Variants in CFAP58 observed in about 807,000 individuals in gnomAD.
The protein encoded by CFAP58 is cilia- and flagella-associated protein 58.
CFAP58 carries 88 observed loss-of-function variants against 119.5 expected under a neutral mutation model. That is an observed-to-expected ratio of 0.74 (90% CI 0.62 to 0.88). The LOEUF is 0.88. Ranked by LOEUF, CFAP58 falls within the 40% of genes least tolerant of loss-of-function variation. The pLI, the probability that CFAP58 is intolerant of heterozygous loss-of-function variation, is 0.00. For synonymous variants in CFAP58, 365 were observed against 366.3 expected (o/e 1.00, Z 0.04); for missense variants, 990 against 1,021.2 (o/e 0.97, Z 0.42).
At chr10:104,359,470 T>C (rs1369406471) in intron 2 of CFAP58, among the ~76,000 whole-genome samples, 3 of 152,204 alleles carry the variant, frequency 2.0e-5, no homozygotes, top group Non-Finnish European at 4.4e-5. Flanking sequence ...CTTAAAGTCA[T>C]TTTATAATGG....
chr10:104,393,362 A>T lies in CFAP58; in HGVS notation c.1561A>T (p.Ile521Phe). Reference protein sequence around the residue: ...EITDMKRKLKIMIHQVDELKE... With the variant: ...EITDMKRKLKFMIHQVDELKE... ...AACAGATATGAAGAGAAAGTTAAAG[A>T]TTATGATCCATCAGGTAGATGAGCT... is the stretch of plus-strand genomic sequence containing the variant. The change falls in exon 11 of 18, where the codon ATT becomes TTT. Residue 521 changes from isoleucine (I) to phenylalanine (F), a missense_variant. By Grantham distance (21) the Ile-to-Phe change is conservative. Transcript: ENST00000369704. 2 of 1,614,020 alleles carry T rather than the reference A, an allele frequency of 1.2e-6. No homozygotes were observed. Among genetic ancestry groups the T allele is most frequent in the Non-Finnish European group, 1.7e-6 (2 of 1,179,896 alleles).
chr10:104,400,982 T>C (rs1319221776), intron 13 of CFAP58, 79 bp downstream of exon 13: 1 of 990,840 alleles, frequency 1.0e-6, no homozygotes, highest in Non-Finnish European at 1.5e-6. Context: ...GTCATGCTTG[T>C]TGCTCATTGA....
chr10:104,416,358 G>C (rs964692441), intron 15 of CFAP58, among the ~76,000 whole-genome samples: 5 of 152,114 alleles, frequency 3.3e-5, no homozygotes, highest in African/African-American at 1.2e-4. Flanking sequence ...CTAGGTAAGG[G>C]GCATATCCCT....
intron 1 of CFAP58, among the ~76,000 whole-genome samples, chr10:104,357,930 T>C (rs141631287): frequency 0.03 from 3,619 of 119,512 alleles, 271 homozygotes; most frequent in Non-Finnish European, 0.037. Flanking sequence ...TGTACACATA[T>C]ACACACATAT....
chr10:104,438,351 T>TTTTTTG (rs1564904782), intron 15 of CFAP58, among the ~76,000 whole-genome samples: 1 of 39,378 alleles, frequency 2.5e-5, no homozygotes, highest in African/African-American at 1.3e-4. Flanking sequence ...GTTTTTTGTT[T>TTTTTTG]TTTTTTTTTG....
chr10:104,440,043 C>T (rs976369166), intron 15 of CFAP58, among the ~76,000 whole-genome samples: 8 of 152,130 alleles, frequency 5.3e-5, no homozygotes, highest in Non-Finnish European at 5.9e-5. Flanking sequence ...AGGATGGCCT[C>T]GATCTCCTGA....
At chr10:104,392,205 C>G in intron 9 of CFAP58, 28 bp from the exon 10 acceptor site, 1 of 1,578,392 alleles carries the variant, frequency 6.3e-7, no homozygotes, top group African/African-American at 1.6e-5. Flanking sequence ...GCTATTTAAC[C>G]ACATTCATAT....
chr10:104,412,225 C>T (rs2012472046), intron 15 of CFAP58, among the ~76,000 whole-genome samples: 1 of 152,072 alleles, frequency 6.6e-6, no homozygotes, highest in Admixed American at 6.6e-5. Context: ...GTTTCTTCAT[C>T]CATAAGTTGG....
chr10:104,406,402 A>T (rs985387350), intron 14 of CFAP58, among the ~76,000 whole-genome samples: 3 of 152,236 alleles, frequency 2.0e-5, no homozygotes, highest in Non-Finnish European at 4.4e-5. Context: ...CAAGCATAGT[A>T]GCTACCATTA....
At chr10:104,371,770 T>TA (rs1306355988) in intron 7 of CFAP58, among the ~76,000 whole-genome samples, 3 of 152,138 alleles carry the variant, frequency 2.0e-5, no homozygotes, top group African/African-American at 7.2e-5. Flanking sequence ...GTTTTCTGAA[T>TA]AAAAAATATA....
chr10:104,431,058 T>A (rs1360591902), intron 15 of CFAP58, among the ~76,000 whole-genome samples: 1 of 152,214 alleles, frequency 6.6e-6, no homozygotes, highest in Non-Finnish European at 1.5e-5. Flanking sequence ...GGGTACCAGT[T>A]TGGCTACTAG....
the CFAP58 span, among the ~76,000 whole-genome samples, chr10:104,348,821 C>T: frequency 6.6e-6 from 1 of 152,212 alleles, no homozygotes; most frequent in Non-Finnish European, 1.5e-5. Flanking sequence ...TCATGGTTCA[C>T]TGGGCTTCCT....
intron 15 of CFAP58, 80 bp from the exon 16 acceptor site, chr10:104,447,618 G>A (rs557808473): frequency 6.4e-7 from 1 of 1,561,616 alleles, no homozygotes; most frequent in East Asian, 2.3e-5. Context: ...CTCCCAAATT[G>A]TGCTGGCCAT....
At chr10:104,435,189 A>G (rs2012912735) in intron 15 of CFAP58, among the ~76,000 whole-genome samples, 1 of 152,206 alleles carries the variant, frequency 6.6e-6, no homozygotes, top group Non-Finnish European at 1.5e-5. Flanking sequence ...GTTTAAATAG[A>G]TAAGTAAACA....
intron 5 of CFAP58, among the ~76,000 whole-genome samples, 173 bp downstream of exon 5, chr10:104,366,181 T>C (rs773651755): frequency 1.6e-4 from 24 of 152,178 alleles, no homozygotes; most frequent in Non-Finnish European, 3.4e-4. Context: ...TCTTATGAGG[T>C]AGTTATGCCC....
chr10:104,362,955 C>A (rs966642503), intron 3 of CFAP58, among the ~76,000 whole-genome samples: 1 of 152,198 alleles, frequency 6.6e-6, no homozygotes, highest in Non-Finnish European at 1.5e-5. Context: ...ACCTCCATGC[C>A]TTTGTACATG....
chr10:104,393,939 G>A (rs1268181013), intron 11 of CFAP58, among the ~76,000 whole-genome samples: 1 of 152,184 alleles, frequency 6.6e-6, no homozygotes, highest in Non-Finnish European at 1.5e-5. Context: ...TCTATCTGCA[G>A]TCTTATCAAC....
At chr10:104,357,799 A>ACACACACACATATATG (rs1564875275) in intron 1 of CFAP58, among the ~76,000 whole-genome samples, 3 of 145,714 alleles carry the variant, frequency 2.1e-5, no homozygotes, top group African/African-American at 8.3e-5. Context: ...ATACATATAT[A>ACACACACACATATATG]TACACACATA....
At chr10:104,369,895 AT>A (rs1454945542) in intron 6 of CFAP58, among the ~76,000 whole-genome samples, 3 of 152,228 alleles carry the variant, frequency 2.0e-5, no homozygotes, top group Non-Finnish European at 4.4e-5. Context: ...TTTAATTAAA[AT>A]TTCCAAAATC....
Sources: allele counts gnomAD v4.1 joint callset (sites outside exome capture counted in the v4.1 genomes callset), GRCh38; gene constraint gnomAD v4.1.1; transcripts MANE v1.5; gene names NCBI Gene and HGNC (gene_info 2026-07-23, HGNC 2026-07-21).